Variants in P4HB observed in about 807,000 individuals in gnomAD.
P4HB encodes the protein protein disulfide-isomerase.
Under a neutral mutation model 52.6 loss-of-function variants are expected in P4HB, and 20 were observed. That is an observed-to-expected ratio of 0.38 (90% CI 0.27 to 0.55). The LOEUF is 0.55. Among genes scored for constraint, P4HB ranks in the 20% least tolerant of loss-of-function variants. The pLI is 0.74. For synonymous variants in P4HB, 296 were observed against 277.9 expected (o/e 1.07, Z -0.65); for missense variants, 601 against 669.2 (o/e 0.90, Z 1.12).
At chr17:81,858,469 G>C (rs1481008870) in intron 2 of P4HB, among the ~76,000 whole-genome samples, 1 of 152,104 alleles carries the variant, frequency 6.6e-6, no homozygotes, top group Non-Finnish European at 1.5e-5. Context: ...GCTAACACTG[G>C]AATGAGCTGC....
Position 81,855,363 on chromosome 17 carries a change from G to A in P4HB, c.487-84C>T. Reference sequence around the variant, plus strand: ...AGACCCTGTAGAGCCCAGGCCAGGGGGGACACGTGCAGAACTGCCAGCTGC... The same window carrying A: ...AGACCCTGTAGAGCCCAGGCCAGGGAGGACACGTGCAGAACTGCCAGCTGC... On this transcript the variant is annotated intron_variant, in intron 3 of 10. Transcript: ENST00000331483. The surrounding 1 kb of genome is among the most constrained non-coding windows in gnomAD (Gnocchi z 4.3). 6 of 1,600,552 alleles carry A rather than the reference G, an allele frequency of 3.7e-6. No homozygotes were observed. In the South Asian group the frequency reaches 5.6e-5, roughly 15 times the overall value.
rs749974317 is a variant in P4HB, at chr17:81,846,472, C to T, written c.1013G>A (p.Arg338Lys). ...KPESEELTAE[R>K]ITEFCHRFLE... ...GAAGCGGTGGCAGAACTCTGTGATCCTCTCTGCCGTCAGCTCCTCCGATTC... is the reference window on the plus strand; with the variant it reads ...GAAGCGGTGGCAGAACTCTGTGATCTTCTCTGCCGTCAGCTCCTCCGATTC... The change falls in exon 7 of 11, where the codon AGG becomes AAG. Residue 338 changes from arginine to lysine, a missense_variant. Arg to Lys is a conservative substitution (Grantham distance 26). Transcript: ENST00000331483. This position sits in a 1 kb window ranked among gnomAD's most constrained non-coding sequence, Gnocchi z 5.7. The T allele has an allele frequency of 6.2e-7, 1 of 1,613,750 alleles. No homozygotes were observed. Among genetic ancestry groups the T allele is most frequent in the South Asian group, 1.1e-5 (1 of 91,088 alleles).
At chr17:81,852,340 G>T (rs528437659) in intron 4 of P4HB, among the ~76,000 whole-genome samples, 1 of 152,104 alleles carries the variant, frequency 6.6e-6, no homozygotes, top group Admixed American at 6.5e-5. Context: ...AGGCAAGAGC[G>T]GGCCACACAA....
intron 4 of P4HB, among the ~76,000 whole-genome samples, chr17:81,854,402 C>T (rs748299355): frequency 2.8e-4 from 43 of 152,084 alleles, no homozygotes; most frequent in African/African-American, 9.2e-4. Flanking sequence ...CTCAGCCCAG[C>T]GTGGTGGCAC....
chr17:81,844,897 C>T (rs1343190828), intron 10 of P4HB, among the ~76,000 whole-genome samples: 1 of 152,260 alleles, frequency 6.6e-6, no homozygotes, highest in Non-Finnish European at 1.5e-5. Context: ...TAAGCAAAAT[C>T]TGGTTTTTAA....
intron 10 of P4HB, 49 bp from the exon 11 acceptor site, chr17:81,844,141 G>C (rs758168743): frequency 7.7e-7 from 1 of 1,296,230 alleles, no homozygotes. Flanking sequence ...TGCAACAGCT[G>C]AGGCTGCCGG....
chr17:81,856,391 G>A (rs1567841267), intron 2 of P4HB, among the ~76,000 whole-genome samples: 1 of 148,586 alleles, frequency 6.7e-6, no homozygotes. Context: ...AGGCTGGAGT[G>A]CAATAGTGTG....
rs1185316309 is a variant in P4HB, at chr17:81,843,348, T to C, written c.*664A>G. 2.5e-6 allele frequency: 1 copy of C among 396,412 alleles called. No homozygotes were observed. Among genetic ancestry groups the C allele is most frequent in the Non-Finnish European group, 4.4e-6 (1 of 225,264 alleles). The allele number at this position is 396,412 out of a possible 1,614,324, so 24.6% of individuals were successfully genotyped here. ...GCTGTAGAGAGGCCAGTGGTCACAA[T>C]GAGCCCACGACAGGAGGAGGAGCCC... is the stretch of plus-strand genomic sequence containing the variant. On this transcript the variant is annotated 3_prime_UTR_variant, in exon 11 of 11. Coordinates refer to ENST00000331483, the MANE Select transcript of P4HB (RefSeq NM_000918.4).
In P4HB at chr17:81,845,994, G is replaced by A. The variant is rs2038729775; in HGVS notation, c.1057-3C>T. On this transcript the variant is annotated splice_region_variant and splice_polypyrimidine_tract_variant and intron_variant, in intron 7 of 10. Transcript: ENST00000331483. Reference sequence around the variant, plus strand: ...AGCTCCTGGCTCATCAGGTGGGGCTGGAGGGCAGGCAGGGCACGGTGAGGG... The same window carrying A: ...AGCTCCTGGCTCATCAGGTGGGGCTAGAGGGCAGGCAGGGCACGGTGAGGG... The A allele has an allele frequency of 1.2e-6, 2 of 1,604,808 alleles. No individual in the cohort carries two copies. The highest frequency in any genetic ancestry group is 1.3e-5 in the African/African-American group (1 of 74,626).
Position 81,855,847 on chromosome 17 carries a change from A to G in P4HB, c.353-261T>C. 4.9e-6 allele frequency: 2 copies of G among 410,446 alleles called. No individual in the cohort carries two copies. The highest frequency in any genetic ancestry group is 6.1e-5 in the South Asian group (1 of 16,384). 25.4% of individuals were successfully genotyped at this position (410,446 alleles called of 1,614,324 possible). ...CTCTGAATAACAGGATCACAAACCCATTTTTTTTCTCTGATCTCTCTGCAT... is the reference window on the plus strand; with the variant it reads ...CTCTGAATAACAGGATCACAAACCCGTTTTTTTTCTCTGATCTCTCTGCAT... On this transcript the variant is annotated intron_variant, in intron 2 of 10. Transcript: ENST00000331483. The surrounding 1 kb of genome is among the most constrained non-coding windows in gnomAD (Gnocchi z 4.3).
At chr17:81,858,655 T>G (rs886229001) in intron 2 of P4HB, among the ~76,000 whole-genome samples, 11 of 152,314 alleles carry the variant, frequency 7.2e-5, no homozygotes, top group African/African-American at 2.6e-4. Context: ...AGGGCGGGCT[T>G]GGATTCGAGG....
At position 81,843,977 on chromosome 17, in the gene P4HB, G is replaced by A; in HGVS notation, c.*35C>T. 3 of 1,500,818 alleles carry A rather than the reference G, an allele frequency of 2.0e-6. No individual in the cohort carries two copies. The highest frequency in any genetic ancestry group is 2.8e-6 in the Non-Finnish European group (3 of 1,077,084). The allele number at this position is 1,500,818 out of a possible 1,614,324, so 93.0% of individuals were successfully genotyped here. A position where few individuals can be genotyped will look rare whatever the true frequency, so the allele number is the denominator to read the frequency against. ...CTGCTGCTGGGTGTGCAGCCCCCGA[G>A]GGGTCTCGGCAGCGCCCGGGTCTGG... On this transcript the variant is annotated 3_prime_UTR_variant, in exon 11 of 11. Transcript: ENST00000331483.
At chr17:81,854,634 C>G (rs2038884987) in intron 4 of P4HB, among the ~76,000 whole-genome samples, 1 of 151,678 alleles carries the variant, frequency 6.6e-6, no homozygotes, top group African/African-American at 2.4e-5. Flanking sequence ...ATCACGAGGT[C>G]AAGAGATTGA....
chr17:81,855,018 C>A lies in P4HB; in HGVS notation c.624+124G>T, dbSNP rs747722879. ...GCAACACCCCAACTTGGCAAAGCTG[C>A]AGAACATACCTATTGGGCCAAAGGT... On this transcript the variant is annotated intron_variant, in intron 4 of 10. Transcript: ENST00000331483. This position sits in a 1 kb window ranked among gnomAD's most constrained non-coding sequence, Gnocchi z 4.3. The A allele has an allele frequency of 1.1e-6, 1 of 923,834 alleles. No individual in the cohort carries two copies. Among genetic ancestry groups the A allele is most frequent in the Non-Finnish European group, 1.7e-6 (1 of 579,854 alleles). The allele number at this position is 923,834 out of a possible 1,614,324, so 57.2% of individuals were successfully genotyped here.
At chr17:81,857,437 C>G (rs1035867858) in intron 2 of P4HB, among the ~76,000 whole-genome samples, 1 of 152,216 alleles carries the variant, frequency 6.6e-6, no homozygotes. Context: ...GCATGAGCCA[C>G]CGCACCCAGC....
intron 2 of P4HB, among the ~76,000 whole-genome samples, chr17:81,858,566 T>A (rs1285425825): frequency 6.6e-6 from 1 of 152,186 alleles, no homozygotes; most frequent in East Asian, 1.9e-4. Context: ...CTGATCTGGC[T>A]ACACAGGGGC....
chr17:81,854,221 C>G (rs1437924311), intron 4 of P4HB, among the ~76,000 whole-genome samples: 1 of 152,240 alleles, frequency 6.6e-6, no homozygotes, highest in Non-Finnish European at 1.5e-5. Flanking sequence ...GCAGGACGCT[C>G]TGAATGTAGT....
rs200808646 is a variant in P4HB at position 81,844,006 on chromosome 17, T to G, written c.*6A>C. ...TCTCGGCAGCGCCCGGGTCTGGCTT[T>G]GCGTATTACAGTTCATCTTTCACAG... On this transcript the variant is annotated 3_prime_UTR_variant, in exon 11 of 11. Transcript: ENST00000331483. 337 of 1,609,898 alleles carry G rather than the reference T, an allele frequency of 2.1e-4. 3 individuals carry two copies. The Middle Eastern group carries it at 6.2e-3, about 29-fold the overall frequency.
intron 4 of P4HB, among the ~76,000 whole-genome samples, chr17:81,854,083 T>G (rs1394337820): frequency 6.6e-6 from 1 of 152,222 alleles, no homozygotes; most frequent in African/African-American, 2.4e-5. Flanking sequence ...CAGTGGATCC[T>G]TAGGGGTCAT....
Sources: gnomAD v4.1 joint callset for allele counts (sites outside exome capture counted in the v4.1 genomes callset) on GRCh38, gnomAD v4.1.1 for gene constraint, Gnocchi (gnomAD v3.1) non-coding constraint, MANE v1.5 for transcripts, NCBI Gene and HGNC (gene_info 2026-07-23, HGNC 2026-07-21) for gene names.